Variants in AGPAT5 observed in about 807,000 individuals in gnomAD.
The protein encoded by AGPAT5 is 1-acylglycerol-3-phosphate O-acyltransferase 5, also known as 1-acyl-sn-glycerol-3-phosphate acyltransferase epsilon.
Under a neutral mutation model 45.6 loss-of-function variants are expected in AGPAT5, and 46 were observed. The observed-to-expected ratio is 1.01, with a 90% CI of 0.80 to 1.29. The LOEUF (loss-of-function observed/expected upper bound fraction) is 1.29. Among genes scored for constraint, AGPAT5 ranks in the 50% most tolerant of loss-of-function variants. The pLI is 0.00. For missense variants in AGPAT5, 673 were observed against 450.7 expected (o/e 1.49, Z -4.47); for synonymous variants, 272 against 167.0 (o/e 1.63, Z -4.85).
intron 1 of AGPAT5, among the ~76,000 whole-genome samples, chr8:6,717,872 C>T (rs1392873661): frequency 2.0e-5 from 3 of 152,208 alleles, no homozygotes; most frequent in African/African-American, 4.8e-5. Flanking sequence ...AGTCTTCTCA[C>T]TTGACATTTT....
chr8:6,715,909 A>G (rs1224915329), intron 1 of AGPAT5, among the ~76,000 whole-genome samples: 1 of 152,218 alleles, frequency 6.6e-6, no homozygotes, highest in African/African-American at 2.4e-5. Context: ...TCAATTGATA[A>G]CATAATAAAC....
chr8:6,732,477 T>C (rs1163226131), intron 3 of AGPAT5, 84 bp from the exon 4 acceptor site: 2 of 973,432 alleles, frequency 2.1e-6, no homozygotes, highest in South Asian at 3.8e-5. Context: ...CTGTACTTTT[T>C]GCAAGAGAAG....
intron 6 of AGPAT5, among the ~76,000 whole-genome samples, chr8:6,752,389 T>A (rs1184912007): frequency 2.0e-5 from 3 of 152,218 alleles, no homozygotes; most frequent in African/African-American, 7.2e-5. Flanking sequence ...TCTGTGTGTG[T>A]CTATATCTCC....
intron 6 of AGPAT5, among the ~76,000 whole-genome samples, chr8:6,748,569 A>G (rs1276765994): frequency 2.0e-5 from 3 of 152,178 alleles, no homozygotes; most frequent in East Asian, 3.8e-4. Flanking sequence ...CAGTGGCGCA[A>G]TCTTGGCTCA....
At position 6,757,201 on chromosome 8, in the gene AGPAT5, G is replaced by C; in HGVS notation, c.908G>C (p.Arg303Thr). 2 of 1,614,064 alleles carry C rather than the reference G, an allele frequency of 1.2e-6. No individual in the cohort carries two copies. Among genetic ancestry groups the C allele is most frequent in the Non-Finnish European group, 1.7e-6 (2 of 1,180,002 alleles). Residue 303 changes from arginine to threonine, a missense_variant, in exon 8 of 8, where the codon AGA becomes ACA. Coordinates refer to ENST00000285518, the MANE Select transcript of AGPAT5 (RefSeq NM_018361.5). ...IEFYESPDPERRKRFPGKSVN... is the reference protein window; with the variant it reads ...IEFYESPDPETRKRFPGKSVN... ...TTTTATGAGTCACCAGATCCAGAAAGAAGAAAAAGATTTCCTGGGAAAAGT... is the reference window on the plus strand; with the variant it reads ...TTTTATGAGTCACCAGATCCAGAAACAAGAAAAAGATTTCCTGGGAAAAGT...
intron 1 of AGPAT5, among the ~76,000 whole-genome samples, chr8:6,711,753 T>A (rs1174714869): frequency 6.6e-6 from 1 of 152,070 alleles, no homozygotes; most frequent in Admixed American, 6.6e-5. Context: ...TTCTTGTGGG[T>A]TTCAACTTCT....
chr8:6,729,802 C>A (rs1425108414), intron 2 of AGPAT5, among the ~76,000 whole-genome samples: 1 of 152,164 alleles, frequency 6.6e-6, no homozygotes, highest in Non-Finnish European at 1.5e-5. Flanking sequence ...TACCATCTTA[C>A]CCTTGTTTTT....
intron 5 of AGPAT5, among the ~76,000 whole-genome samples, chr8:6,743,344 C>T (rs1377878354): frequency 6.6e-6 from 1 of 152,210 alleles, no homozygotes; most frequent in Non-Finnish European, 1.5e-5. Context: ...CTCTGCCTAA[C>T]TCTGGACCCA....
At chr8:6,714,437 A>T (rs1266588332) in intron 1 of AGPAT5, among the ~76,000 whole-genome samples, 1 of 152,320 alleles carries the variant, frequency 6.6e-6, no homozygotes, top group East Asian at 1.9e-4. Flanking sequence ...GGAAAATACT[A>T]AAAAAATGTA....
chr8:6,746,631 C>T lies in AGPAT5; in HGVS notation c.587-1039C>T, dbSNP rs148809372. On this transcript the variant is annotated intron_variant, in intron 5 of 7. Coordinates refer to ENST00000285518, the MANE Select transcript of AGPAT5 (RefSeq NM_018361.5). ...TGTGAATCAATTTAACTGCCCCTGC[C>T]CTGGGGACTAAAGTCAGATACGTGC... 4.4e-4 allele frequency among the ~76,000 whole-genome samples: 67 copies of T among 152,294 alleles called. 2 individuals carry two copies. The highest frequency in any genetic ancestry group is 7.9e-4 in the Non-Finnish European group (54 of 68,024).
chr8:6,739,133 C>G (rs1453953164), intron 4 of AGPAT5, among the ~76,000 whole-genome samples: 1 of 151,758 alleles, frequency 6.6e-6, no homozygotes, highest in Non-Finnish European at 1.5e-5. Context: ...AGCATTTGTT[C>G]TGTTATATTG....
intron 5 of AGPAT5, chr8:6,745,310 G>A (rs1334615504): frequency 6.5e-6 from 1 of 154,356 alleles, no homozygotes; most frequent in Non-Finnish European, 1.5e-5. Context: ...CTTCTCTGCA[G>A]GGGTTTCTCC....
At chr8:6,754,341 C>G (rs1465351047) in intron 6 of AGPAT5, among the ~76,000 whole-genome samples, 1 of 152,084 alleles carries the variant, frequency 6.6e-6, no homozygotes, top group African/African-American at 2.4e-5. Context: ...AATTTTGGTT[C>G]TTTTACCAAT....
At chr8:6,709,279 T>TTG (rs1426230989) in intron 1 of AGPAT5, 3 of 230,374 alleles carry the variant, frequency 1.3e-5, no homozygotes, top group Non-Finnish European at 2.6e-5. Flanking sequence ...CGAAGTGCGC[T>TTG]TTTACAGTGA....
rs1169109190 is a variant in AGPAT5 at position 6,757,532 on chromosome 8, A to C, written c.*144A>C. The C allele has an allele frequency of 4.4e-6, 3 of 678,556 alleles. No homozygotes were observed. The highest frequency in any genetic ancestry group is 7.4e-6 in the Non-Finnish European group (3 of 404,238). The allele number at this position is 678,556 out of a possible 1,614,324, so 42.0% of individuals were successfully genotyped here. A position where few individuals can be genotyped will look rare whatever the true frequency, so the allele number is the denominator to read the frequency against. Reference sequence around the variant, plus strand: ...AGATTGGATAATAGAATTTGTGACGAAAGCTGATATGCAATGGTCTTGGGC... The same window carrying C: ...AGATTGGATAATAGAATTTGTGACGCAAGCTGATATGCAATGGTCTTGGGC... On this transcript the variant is annotated 3_prime_UTR_variant, in exon 8 of 8. Coordinates refer to ENST00000285518, the MANE Select transcript of AGPAT5 (RefSeq NM_018361.5).
chr8:6,733,143 G>C (rs575338507), intron 4 of AGPAT5, among the ~76,000 whole-genome samples: 34 of 152,330 alleles, frequency 2.2e-4, no homozygotes, highest in Non-Finnish European at 3.2e-4. Flanking sequence ...TTCCACAAAA[G>C]TGGGGAGAGT....
At chr8:6,755,271 C>A in intron 7 of AGPAT5, 97 bp downstream of exon 7, 1 of 1,259,732 alleles carries the variant, frequency 7.9e-7, no homozygotes, top group Non-Finnish European at 1.1e-6. Context: ...TATATTGTCT[C>A]AAGAATACAT....
Position 6,757,385 on chromosome 8 carries a change from A to G in AGPAT5, c.1092A>G (p.Ala364=). The change falls in exon 8 of 8, where the codon GCA becomes GCG. Residue 364 remains alanine (A), a synonymous_variant. Coordinates refer to ENST00000285518, the MANE Select transcript of AGPAT5 (RefSeq NM_018361.5). ...GCTGCCTGTGGGTTACTATTAAAGC[A>G]TAGACAAGTAGCTGTCTCCAGACAG... is the stretch of plus-strand genomic sequence containing the variant. ...LLGCLWVTIK[A] 6.2e-7 allele frequency: 1 copy of G among 1,613,488 alleles called. No homozygotes were observed. Among genetic ancestry groups the G allele is most frequent in the Non-Finnish European group, 8.5e-7 (1 of 1,179,404 alleles).
intron 4 of AGPAT5, among the ~76,000 whole-genome samples, chr8:6,734,222 C>G (rs1231886256): frequency 6.6e-6 from 1 of 151,056 alleles, no homozygotes; most frequent in South Asian, 2.1e-4. Context: ...TCTCGCTGTT[C>G]TTTAGTTCTT....
Sources: allele counts gnomAD v4.1 joint callset (sites outside exome capture counted in the v4.1 genomes callset), GRCh38; gene constraint gnomAD v4.1.1; transcripts MANE v1.5; gene names NCBI Gene and HGNC (gene_info 2026-07-23, HGNC 2026-07-21).